The following MAPK8 variants were observed in gnomAD, a reference collection of about 807,000 sequenced individuals.
The protein encoded by MAPK8 is mitogen-activated protein kinase 8, also known as JUN N-terminal kinase.
MAPK8 carries 13 observed loss-of-function variants against 52.9 expected under a neutral mutation model. The observed-to-expected ratio is 0.25, with a 90% CI of 0.16 to 0.39. MAPK8 has a LOEUF of 0.39. MAPK8 is among the 10% of genes least tolerant of loss of function. MAPK8 has a pLI of 1.00. For synonymous variants in MAPK8, 191 were observed against 169.8 expected (o/e 1.12, Z -0.97); for missense variants, 300 against 519.2 (o/e 0.58, Z 4.10).
chr10:48,332,995 C>T (rs1361711169), intron 1 of MAPK8, among the ~76,000 whole-genome samples: 1 of 152,142 alleles, frequency 6.6e-6, no homozygotes, highest in East Asian at 1.9e-4. Context: ...TGTTTATTTC[C>T]ATCAATGACA....
rs531142189 is a variant in MAPK8 at position 48,431,309 on chromosome 10, C to T, written c.1138+39C>T. ...TAAGCTTGGTTAAGATTACAGTTTACTTCTTGTGTTGTAATCTTCAGTGGC... is the reference window on the plus strand; with the variant it reads ...TAAGCTTGGTTAAGATTACAGTTTATTTCTTGTGTTGTAATCTTCAGTGGC... On this transcript the variant is annotated intron_variant, in intron 11 of 11. Transcript: ENST00000374189. The T allele has an allele frequency of 1.2e-5, 17 of 1,394,940 alleles. No individual in the cohort carries two copies. In the African/African-American group the frequency reaches 2.1e-4, roughly 18 times the overall value. 86.4% of individuals were successfully genotyped at this position (1,394,940 alleles called of 1,614,324 possible).
intron 5 of MAPK8, among the ~76,000 whole-genome samples, chr10:48,419,448 G>A (rs1176609827): frequency 6.6e-6 from 1 of 152,136 alleles, no homozygotes; most frequent in Non-Finnish European, 1.5e-5. Context: ...ACTTTTGATG[G>A]GCACAGCACA....
chr10:48,358,214 G>C (rs1414619608), intron 1 of MAPK8, among the ~76,000 whole-genome samples: 1 of 152,142 alleles, frequency 6.6e-6, no homozygotes, highest in South Asian at 2.1e-4. Flanking sequence ...GGTAATCTAT[G>C]TTTTACTTTT....
At chr10:48,394,311 C>A (rs11101310) in intron 1 of MAPK8, among the ~76,000 whole-genome samples, 12,886 of 151,880 alleles carry the variant, frequency 0.085, 775 homozygotes, top group Non-Finnish European at 0.13. Flanking sequence ...AAACTACAGT[C>A]CAGTATTCCT....
At chr10:48,395,678 A>G (rs745607174) in intron 1 of MAPK8, among the ~76,000 whole-genome samples, 7 of 152,102 alleles carry the variant, frequency 4.6e-5, no homozygotes, top group Non-Finnish European at 1.0e-4. Flanking sequence ...GTAACTGGAA[A>G]CAATTTTGAG....
At chr10:48,425,121 T>C in intron 7 of MAPK8, 2 of 716,898 alleles carry the variant, frequency 2.8e-6, no homozygotes, top group South Asian at 3.0e-5. Context: ...TTTTAATATT[T>C]ATATTAACAG....
At chr10:48,381,608 T>C (rs1214291077) in intron 1 of MAPK8, among the ~76,000 whole-genome samples, 2 of 152,224 alleles carry the variant, frequency 1.3e-5, no homozygotes, top group East Asian at 3.8e-4. Context: ...AAAATATAAT[T>C]GATGCCTACT....
At position 48,394,450 on chromosome 10, in the gene MAPK8, A is replaced by G. The variant is rs79566270; in HGVS notation, c.-49-7162A>G. On this transcript the variant is annotated intron_variant, in intron 1 of 11. Coordinates refer to ENST00000374189, the MANE Select transcript of MAPK8 (RefSeq NM_001323329.2). ...AGGGTGGTTTAACATTTGAAAATCA[A>G]TCAGTGTAATTAGCCATATGAACCA... Among the ~76,000 whole-genome samples the G allele has an allele frequency of 6.5e-4, 99 of 152,052 alleles. 1 individual carries two copies. In the East Asian group the frequency reaches 0.017, roughly 26 times the overall value.
chr10:48,306,990 AGGCGGGGGCCAGCCGAGGG>A (rs1260274254), intron 1 of MAPK8, 169 bp downstream of exon 1: 2 of 151,540 alleles, frequency 1.3e-5, no homozygotes, highest in Non-Finnish European at 2.9e-5. Context: ...AGCGGCGCGG[AGGCGGGGGCCAGCCGAGGG>A]GGCGTGGGGC....
chr10:48,360,892 G>T (rs1313506841), intron 1 of MAPK8, among the ~76,000 whole-genome samples: 5 of 152,134 alleles, frequency 3.3e-5, no homozygotes, highest in Non-Finnish European at 7.4e-5. Context: ...GGAATTTTAA[G>T]GGATTGGTAA....
intron 1 of MAPK8, among the ~76,000 whole-genome samples, chr10:48,362,687 T>A (rs1190230184): frequency 6.6e-6 from 1 of 151,966 alleles, no homozygotes; most frequent in Non-Finnish European, 1.5e-5. Flanking sequence ...TTAAGTGGAT[T>A]CCACTGTATC....
intron 1 of MAPK8, among the ~76,000 whole-genome samples, chr10:48,310,232 G>A (rs546350668): frequency 3.9e-5 from 6 of 152,290 alleles, no homozygotes; most frequent in African/African-American, 1.4e-4. Context: ...TATAAACTGA[G>A]GCTGTCAGAA....
At chr10:48,336,196 G>A (rs760669273) in intron 1 of MAPK8, among the ~76,000 whole-genome samples, 3 of 152,132 alleles carry the variant, frequency 2.0e-5, no homozygotes, top group Non-Finnish European at 4.4e-5. Flanking sequence ...TTATCAGTAT[G>A]TGGAGTGAAA....
At chr10:48,421,301 A>G (rs1269195852) in intron 6 of MAPK8, among the ~76,000 whole-genome samples, 1 of 152,224 alleles carries the variant, frequency 6.6e-6, no homozygotes, top group Non-Finnish European at 1.5e-5. Context: ...TCTTAAGTAA[A>G]TATGCTGTTC....
chr10:48,361,042 GA>G (rs1791299622), intron 1 of MAPK8, among the ~76,000 whole-genome samples: 1 of 151,888 alleles, frequency 6.6e-6, no homozygotes, highest in Admixed American at 6.6e-5. Context: ...TGAAGTGGTT[GA>G]TTTTTTTTAA....
At chr10:48,414,930 G>C (rs2042980821) in intron 5 of MAPK8, among the ~76,000 whole-genome samples, 1 of 151,884 alleles carries the variant, frequency 6.6e-6, no homozygotes, top group African/African-American at 2.4e-5. Context: ...TCTTCCTTCT[G>C]AGTCATCTGC....
At chr10:48,339,630 G>C (rs756959295) in intron 1 of MAPK8, among the ~76,000 whole-genome samples, 1 of 151,966 alleles carries the variant, frequency 6.6e-6, no homozygotes, top group African/African-American at 2.4e-5. Context: ...GGTAAACAGC[G>C]TACAGAATGG....
At chr10:48,426,559 A>C in intron 9 of MAPK8, 55 bp downstream of exon 9, 1 of 1,522,892 alleles carries the variant, frequency 6.6e-7, no homozygotes. Context: ...AGTTAGAATG[A>C]CAGTTAGGTT....
chr10:48,417,081 A>G (rs2043107400), intron 5 of MAPK8, among the ~76,000 whole-genome samples: 1 of 152,176 alleles, frequency 6.6e-6, no homozygotes, highest in African/African-American at 2.4e-5. Flanking sequence ...AGATGCCAGT[A>G]GCACTCCCCA....
Sources: gnomAD v4.1 joint callset for allele counts (sites outside exome capture counted in the v4.1 genomes callset) on GRCh38, gnomAD v4.1.1 for gene constraint, MANE v1.5 for transcripts, NCBI Gene and HGNC (gene_info 2026-07-23, HGNC 2026-07-21) for gene names.